The following APBA1 variants were observed in gnomAD, a reference collection of about 807,000 sequenced individuals.
The protein encoded by APBA1 is amyloid beta precursor protein binding family A member 1.
APBA1 carries 55 observed loss-of-function variants against 86.6 expected under a neutral mutation model. The ratio of observed to expected loss-of-function variants is 0.64; its 90% CI spans 0.51 to 0.80. The LOEUF (loss-of-function observed/expected upper bound fraction) is 0.80, where lower values mean the gene tolerates loss of function less well. APBA1 is among the 30% of genes least tolerant of loss of function. The pLI is 0.00. For synonymous variants in APBA1, 511 were observed against 493.9 expected, an observed-to-expected ratio of 1.03 and a Z score of -0.46; for missense variants, 1,090 against 1,183.0, an observed-to-expected ratio of 0.92 and a Z score of 1.15.
At position 69,484,099 on chromosome 9, in the gene APBA1, T is replaced by C. The variant is rs147475231; in HGVS notation, c.1201-7956A>G. 3.5e-3 allele frequency among the ~76,000 whole-genome samples: 539 copies of C among 152,248 alleles called. 3 individuals are homozygous for C. The highest frequency in any genetic ancestry group is 6.0e-3 in the Admixed American group (92 of 15,306). ...AGGGTCTGGCCCCCAGGGAAACTGG[T>C]GCAGCTGGATTTTCTTTAATTGCAT... On this transcript the variant is annotated intron_variant, in intron 2 of 12. Coordinates refer to ENST00000265381, the MANE Select transcript of APBA1 (RefSeq NM_001163.4).
chr9:69,548,497 G>A (rs1373031750), intron 1 of APBA1, among the ~76,000 whole-genome samples: 1 of 152,230 alleles, frequency 6.6e-6, no homozygotes, highest in African/African-American at 2.4e-5. Flanking sequence ...GAGGCTGCAA[G>A]CTCTTCCGAA....
At chr9:69,548,505 G>C (rs985031235) in intron 1 of APBA1, among the ~76,000 whole-genome samples, 10 of 152,194 alleles carry the variant, frequency 6.6e-5, no homozygotes, top group African/African-American at 2.4e-4. Flanking sequence ...AAGCTCTTCC[G>C]AAATATTCTT....
intron 2 of APBA1, among the ~76,000 whole-genome samples, chr9:69,501,145 A>G (rs1418941846): frequency 6.6e-6 from 1 of 152,108 alleles, no homozygotes; most frequent in Non-Finnish European, 1.5e-5. Context: ...ATGAGAAACA[A>G]CAGGAGAAAA....
intron 1 of APBA1, among the ~76,000 whole-genome samples, chr9:69,603,359 A>G (rs1822393502): frequency 6.6e-6 from 1 of 152,246 alleles, no homozygotes. Flanking sequence ...GGAAGAAAGA[A>G]TGTGTGTAAA....
chr9:69,594,086 C>T (rs1329281280), intron 1 of APBA1, among the ~76,000 whole-genome samples: 1 of 152,138 alleles, frequency 6.6e-6, no homozygotes, highest in Non-Finnish European at 1.5e-5. Flanking sequence ...CTTATCATAT[C>T]GCTGAGTTGG....
At chr9:69,452,737 A>T (rs1346567954) in intron 8 of APBA1, among the ~76,000 whole-genome samples, 1 of 152,240 alleles carries the variant, frequency 6.6e-6, no homozygotes. Context: ...GCTCTAATAC[A>T]CATCGAACAT....
At chr9:69,571,042 C>T (rs1027483435) in intron 1 of APBA1, among the ~76,000 whole-genome samples, 1 of 152,196 alleles carries the variant, frequency 6.6e-6, no homozygotes, top group Non-Finnish European at 1.5e-5. Flanking sequence ...TCCCAGCTCT[C>T]CTTTCCTTCT....
At chr9:69,557,862 T>C (rs145897384) in intron 1 of APBA1, among the ~76,000 whole-genome samples, 2 of 152,338 alleles carry the variant, frequency 1.3e-5, no homozygotes, top group African/African-American at 4.8e-5. Flanking sequence ...TCCATTCTTA[T>C]AAATGATGTA....
chr9:69,608,611 GCAC>G (rs1822522321), intron 1 of APBA1, among the ~76,000 whole-genome samples: 1 of 152,172 alleles, frequency 6.6e-6, no homozygotes, highest in South Asian at 2.1e-4. Context: ...ATAAAAGAGG[GCAC>G]AAAGGAACAT....
chr9:69,562,720 T>TA (rs1463354350), intron 1 of APBA1, among the ~76,000 whole-genome samples: 3 of 151,898 alleles, frequency 2.0e-5, no homozygotes, highest in East Asian at 3.9e-4. Context: ...ATTTAAGGAT[T>TA]AAAAAAAAGA....
intron 1 of APBA1, among the ~76,000 whole-genome samples, chr9:69,572,510 T>C (rs1801309840): frequency 6.6e-6 from 1 of 152,220 alleles, no homozygotes; most frequent in Non-Finnish European, 1.5e-5. Flanking sequence ...ACTGCCTTCA[T>C]GTGTATTGTT....
intron 11 of APBA1, among the ~76,000 whole-genome samples, chr9:69,439,568 T>C (rs1834770065): frequency 6.6e-6 from 1 of 152,250 alleles, no homozygotes; most frequent in African/African-American, 2.4e-5. Flanking sequence ...TTTCTTCCAG[T>C]TGATCACATC....
intron 1 of APBA1, among the ~76,000 whole-genome samples, chr9:69,646,942 C>G (rs139134604): frequency 5.6e-4 from 86 of 152,308 alleles, no homozygotes; most frequent in African/African-American, 2.0e-3. Flanking sequence ...CACAGGGGAA[C>G]GCAGGCTGCT....
intron 10 of APBA1, among the ~76,000 whole-genome samples, chr9:69,447,949 A>G (rs537627385): frequency 2.6e-4 from 39 of 152,178 alleles, no homozygotes; most frequent in Admixed American, 4.6e-4. Flanking sequence ...GCATGCACCC[A>G]AGGTGTTTAA....
At chr9:69,446,645 CCCT>C (rs1048391016) in intron 10 of APBA1, among the ~76,000 whole-genome samples, 12 of 152,216 alleles carry the variant, frequency 7.9e-5, no homozygotes, top group Non-Finnish European at 1.2e-4. Context: ...CTCACTGCTT[CCCT>C]CCTCTGGTCC....
At chr9:69,664,199 ATGAC>A (rs2134029008) in intron 1 of APBA1, among the ~76,000 whole-genome samples, 1 of 152,342 alleles carries the variant, frequency 6.6e-6, no homozygotes, top group South Asian at 2.1e-4. Flanking sequence ...AAGAAGATAA[ATGAC>A]TGAATGAATA....
intron 2 of APBA1, among the ~76,000 whole-genome samples, chr9:69,497,537 G>C (rs1333154446): frequency 6.6e-6 from 1 of 152,154 alleles, no homozygotes; most frequent in Non-Finnish European, 1.5e-5. Flanking sequence ...CAAAGTCCGA[G>C]AGTATCATCA....
intron 2 of APBA1, among the ~76,000 whole-genome samples, chr9:69,501,222 C>T (rs774725193): frequency 1.1e-4 from 16 of 152,090 alleles, no homozygotes; most frequent in Non-Finnish European, 2.4e-4. Flanking sequence ...CCTCTCTTAT[C>T]GCCGCTCTTA....
intron 1 of APBA1, among the ~76,000 whole-genome samples, chr9:69,544,287 T>C (rs1836663067): frequency 6.6e-6 from 1 of 152,260 alleles, no homozygotes; most frequent in African/African-American, 2.4e-5. Context: ...ATATTTCTTA[T>C]GGCACATTGC....
Sources: allele counts gnomAD v4.1 joint callset (sites outside exome capture counted in the v4.1 genomes callset), GRCh38; gene constraint gnomAD v4.1.1; transcripts MANE v1.5; gene names NCBI Gene and HGNC (gene_info 2026-07-23, HGNC 2026-07-21).